The following FARSB variants were observed in gnomAD, a reference collection of about 807,000 sequenced individuals.
FARSB encodes phenylalanyl-tRNA synthetase subunit beta.
In FARSB, 40 loss-of-function variants were observed where a neutral mutation model predicts 69.6. The observed-to-expected ratio is 0.57, with a 90% CI of 0.45 to 0.75. FARSB has a LOEUF of 0.75. FARSB is among the 30% of genes least tolerant of loss of function. FARSB has a pLI of 0.00. For synonymous variants in FARSB, 235 were observed against 247.2 expected, an observed-to-expected ratio of 0.95 and a Z score of 0.46; for missense variants, 632 against 722.9, an observed-to-expected ratio of 0.87 and a Z score of 1.44.
rs929414606 is a variant in FARSB at position 222,648,986 on chromosome 2, G to C, written c.59-191C>G. Among the ~76,000 whole-genome samples, 4 of 152,170 alleles carry C rather than the reference G, an allele frequency of 2.6e-5. No homozygotes were observed. The East Asian group carries it at 5.8e-4, about 22-fold the overall frequency. ...TCATGCCTGTAATCCCAGCACTTTG[G>C]GAGGCCAATGTGTGTGGATCATCTG... is the stretch of plus-strand genomic sequence containing the variant. On this transcript the variant is annotated intron_variant, in intron 1 of 16. Coordinates refer to ENST00000281828, the MANE Select transcript of FARSB (RefSeq NM_005687.5).
At chr2:222,585,797 G>A (rs1307282447) in intron 16 of FARSB, among the ~76,000 whole-genome samples, 2 of 152,198 alleles carry the variant, frequency 1.3e-5, no homozygotes, top group East Asian at 3.8e-4. Flanking sequence ...AATGAAGCCA[G>A]AAGAGAAGTT....
intron 14 of FARSB, among the ~76,000 whole-genome samples, chr2:222,615,901 T>C (rs1690985134): frequency 6.6e-6 from 1 of 152,226 alleles, no homozygotes; most frequent in Non-Finnish European, 1.5e-5. Flanking sequence ...ACTACAATGT[T>C]AAAAGTTAAA....
intron 13 of FARSB, among the ~76,000 whole-genome samples, chr2:222,622,170 C>T (rs189620482): frequency 1.3e-5 from 2 of 152,314 alleles, no homozygotes; most frequent in Admixed American, 1.3e-4. Context: ...ACACAAAGCC[C>T]TTGGCACAGG....
At chr2:222,637,793 C>T (rs1462421712) in intron 5 of FARSB, among the ~76,000 whole-genome samples, 1 of 152,004 alleles carries the variant, frequency 6.6e-6, no homozygotes, top group Non-Finnish European at 1.5e-5. Context: ...CCAGCCTGGA[C>T]AATAAAGCAA....
chr2:222,642,739 C>A, intron 3 of FARSB, 112 bp downstream of exon 3: 1 of 708,420 alleles, frequency 1.4e-6, no homozygotes. Flanking sequence ...AGAGCTAAAG[C>A]TACGTTCCTC....
At chr2:222,648,247 G>A (rs112902958) in intron 2 of FARSB, among the ~76,000 whole-genome samples, 1,525 of 152,048 alleles carry the variant, frequency 0.01, 20 homozygotes, top group African/African-American at 0.035. Context: ...ATTTTTATAA[G>A]CAAGTCCTTA....
At chr2:222,602,117 G>T (rs921312693) in intron 15 of FARSB, among the ~76,000 whole-genome samples, 2 of 152,122 alleles carry the variant, frequency 1.3e-5, no homozygotes, top group African/African-American at 4.8e-5. Flanking sequence ...TACGCTGAAA[G>T]AAAGAAGGCT....
chr2:222,592,854 C>G (rs541199402), intron 16 of FARSB, among the ~76,000 whole-genome samples: 1 of 151,958 alleles, frequency 6.6e-6, no homozygotes, highest in Admixed American at 6.6e-5. Flanking sequence ...GGAAATAAAT[C>G]ATTCCTAAGT....
At chr2:222,583,395 T>C (rs1280383406) in intron 16 of FARSB, among the ~76,000 whole-genome samples, 2 of 152,218 alleles carry the variant, frequency 1.3e-5, no homozygotes, top group African/African-American at 2.4e-5. Flanking sequence ...TTATCAGTTA[T>C]TGGATAAATG....
chr2:222,624,037 AC>A (rs1691206121), intron 12 of FARSB, among the ~76,000 whole-genome samples: 1 of 152,162 alleles, frequency 6.6e-6, no homozygotes, highest in Admixed American at 6.5e-5. Flanking sequence ...GAGAGATTCA[AC>A]AAGGGCTCCA....
At chr2:222,639,022 G>T (rs1253007212) in intron 5 of FARSB, among the ~76,000 whole-genome samples, 1 of 152,140 alleles carries the variant, frequency 6.6e-6, no homozygotes, top group Non-Finnish European at 1.5e-5. Context: ...AATTATACAG[G>T]TGTGAAGATT....
intron 16 of FARSB, among the ~76,000 whole-genome samples, chr2:222,582,349 G>A (rs995720892): frequency 3.3e-5 from 5 of 152,144 alleles, no homozygotes; most frequent in Non-Finnish European, 7.3e-5. Flanking sequence ...CAGCCCCTCA[G>A]CTGAAAGAGT....
intron 6 of FARSB, among the ~76,000 whole-genome samples, chr2:222,633,944 T>G (rs76878621): frequency 6.6e-6 from 1 of 152,186 alleles, no homozygotes; most frequent in Non-Finnish European, 1.5e-5. Context: ...AGGATGACCC[T>G]GCTTTTTCTA....
chr2:222,604,158 C>T (rs1300876318), intron 15 of FARSB, among the ~76,000 whole-genome samples: 1 of 149,996 alleles, frequency 6.7e-6, no homozygotes, highest in Non-Finnish European at 1.5e-5. Flanking sequence ...GCAGAGTTTG[C>T]AGTGAACCGA....
intron 15 of FARSB, among the ~76,000 whole-genome samples, chr2:222,603,642 TACG>T (rs1690622000): frequency 6.8e-6 from 1 of 147,690 alleles, no homozygotes; most frequent in African/African-American, 2.5e-5. Flanking sequence ...CTGGAGCTAA[TACG>T]ATTAATTATA....
In FARSB at chr2:222,569,348, GA is replaced by G. The variant is rs1336153268; in HGVS notation, c.*2522del. ...ACTTCAACAAGGGCTATCATATGAT[GA>G]TCCATAAGCCATGATTTTAACTAGA... On this transcript the variant is annotated 3_prime_UTR_variant, in exon 17 of 17. Coordinates refer to ENST00000281828, the MANE Select transcript of FARSB (RefSeq NM_005687.5). The G allele has an allele frequency of 6.6e-6, 1 of 152,154 alleles. No homozygotes were observed. Among genetic ancestry groups the G allele is most frequent in the African/African-American group, 2.4e-5 (1 of 41,428 alleles). 9.4% of individuals were successfully genotyped at this position (152,154 alleles called of 1,614,324 possible). A position where few individuals can be genotyped will look rare whatever the true frequency, so the allele number is the denominator to read the frequency against.
chr2:222,592,832 G>A (rs1042533579), intron 16 of FARSB, among the ~76,000 whole-genome samples: 5 of 151,928 alleles, frequency 3.3e-5, no homozygotes, highest in Non-Finnish European at 7.4e-5. Flanking sequence ...AAAATATTAA[G>A]TGGGAAATTA....
At chr2:222,583,768 C>T (rs1215807240) in intron 16 of FARSB, among the ~76,000 whole-genome samples, 1 of 151,974 alleles carries the variant, frequency 6.6e-6, no homozygotes, top group African/African-American at 2.4e-5. Flanking sequence ...GGCAGTTATC[C>T]CCATGCTGTT....
chr2:222,590,544 A>G (rs1277701352), intron 16 of FARSB, among the ~76,000 whole-genome samples: 2 of 134,108 alleles, frequency 1.5e-5, no homozygotes, highest in Non-Finnish European at 3.3e-5. Flanking sequence ...CTACCCTTTT[A>G]GGCCAAAAAA....
Sources: allele counts gnomAD v4.1 joint callset (sites outside exome capture counted in the v4.1 genomes callset), GRCh38; gene constraint gnomAD v4.1.1; transcripts MANE v1.5; gene names NCBI Gene and HGNC (gene_info 2026-07-23, HGNC 2026-07-21).